The following TSPAN15 variants were observed in gnomAD, a reference collection of about 807,000 sequenced individuals.
The protein encoded by TSPAN15 is tetraspanin-15.
TSPAN15 carries 20 observed loss-of-function variants against 34.5 expected under a neutral mutation model. The ratio of observed to expected loss-of-function variants is 0.58; its 90% CI spans 0.41 to 0.84. TSPAN15 has a LOEUF of 0.84. TSPAN15 is among the 40% of genes least tolerant of loss of function. The pLI, the probability that TSPAN15 is intolerant of heterozygous loss-of-function variation, is 0.00. For missense variants in TSPAN15, 313 were observed against 386.1 expected (o/e 0.81, Z 1.59); for synonymous variants, 155 against 153.9 (o/e 1.01, Z -0.05).
Position 69,451,628 on chromosome 10 carries a change from TGCGCG to T in TSPAN15, c.35_39del (p.Cys12SerfsTer35). The T allele has an allele frequency of 6.5e-7, 1 of 1,536,508 alleles. No homozygotes were observed. The highest frequency in any genetic ancestry group is 8.8e-7 in the Non-Finnish European group (1 of 1,139,692). ...CGGGGACTCGGAGCAGGTGCGCTAC[TGCGCG>T]CGCTTCTCCTACCTCTGGCTCAAGT... On this transcript the variant is annotated frameshift_variant, in exon 1 of 8. Transcript: ENST00000373290. LOFTEE classifies it high-confidence loss of function.
the TSPAN15 span, among the ~76,000 whole-genome samples, chr10:69,544,406 G>A: frequency 6.6e-6 from 1 of 152,142 alleles, no homozygotes; most frequent in African/African-American, 2.4e-5. Flanking sequence ...GGAGTGATGG[G>A]ATGGTGGGGT....
Position 69,493,645 on chromosome 10 carries a change from T to A in TSPAN15, c.358-1949T>A, listed in dbSNP as rs1319262305. ...ACGCTGCCACGCCTGGCTAATTTTT[T>A]GTATTTTTAGTAGAGACGGGGTTTC... On this transcript the variant is annotated intron_variant, in intron 3 of 7. Transcript: ENST00000373290. 1.3e-5 allele frequency among the ~76,000 whole-genome samples: 2 copies of A among 152,154 alleles called. 1 individual carries two copies. The highest frequency in any genetic ancestry group is 2.9e-5 in the Non-Finnish European group (2 of 68,014).
chr10:69,475,909 C>T (rs12250796), intron 1 of TSPAN15, among the ~76,000 whole-genome samples: 1 of 151,684 alleles, frequency 6.6e-6, no homozygotes. Flanking sequence ...TTTAAAGAAA[C>T]CATAAATTAA....
intron 1 of TSPAN15, among the ~76,000 whole-genome samples, chr10:69,465,539 T>G (rs1425071578): frequency 1.3e-5 from 2 of 152,190 alleles, no homozygotes; most frequent in Admixed American, 6.5e-5. Flanking sequence ...GCCCTTCTTG[T>G]GTGCCAGGCT....
intron 1 of TSPAN15, 112 bp downstream of exon 1, chr10:69,451,802 G>C: frequency 2.5e-6 from 2 of 810,064 alleles, no homozygotes; most frequent in Non-Finnish European, 3.4e-6. Context: ...GTGCGCGGGT[G>C]AGCGCGCGCG....
intron 1 of TSPAN15, among the ~76,000 whole-genome samples, chr10:69,476,076 C>T (rs896649795): frequency 2.0e-5 from 3 of 152,008 alleles, no homozygotes; most frequent in South Asian, 2.1e-4. Context: ...TTCCAATCAA[C>T]GTCCAGTTCA....
the TSPAN15 span, among the ~76,000 whole-genome samples, chr10:69,541,251 G>T: frequency 2.0e-5 from 3 of 152,124 alleles, no homozygotes; most frequent in Non-Finnish European, 2.9e-5. Context: ...GTAAGTTAGG[G>T]GTGGAGGAGG....
chr10:69,512,215 T>A (rs1842421952), downstream of TSPAN15, among the ~76,000 whole-genome samples: 1 of 152,216 alleles, frequency 6.6e-6, no homozygotes, highest in Admixed American at 6.5e-5. Flanking sequence ...TGGCCTCTTG[T>A]CTCACAAGGA....
chr10:69,489,631 C>T (rs552294156), intron 3 of TSPAN15, among the ~76,000 whole-genome samples: 78 of 152,312 alleles, frequency 5.1e-4, no homozygotes, highest in Middle Eastern at 3.4e-3. Context: ...GCACAGACCA[C>T]GGCCACAGCC....
At chr10:69,459,965 C>T (rs963254447) in intron 1 of TSPAN15, among the ~76,000 whole-genome samples, 6 of 150,990 alleles carry the variant, frequency 4.0e-5, no homozygotes, top group East Asian at 3.9e-4. Context: ...TCCCTGCCCA[C>T]GGAGGGAGGG....
the TSPAN15 span, among the ~76,000 whole-genome samples, chr10:69,518,214 C>A: frequency 1.3e-5 from 2 of 152,136 alleles, no homozygotes. Flanking sequence ...ATGTAAAAAT[C>A]AAATGCAAGA....
At chr10:69,475,842 A>T (rs1365215300) in intron 1 of TSPAN15, among the ~76,000 whole-genome samples, 3 of 152,208 alleles carry the variant, frequency 2.0e-5, no homozygotes, top group Admixed American at 2.0e-4. Flanking sequence ...TCCAGCTCAG[A>T]CACCATGGAA....
chr10:69,482,576 G>A (rs747679457), intron 1 of TSPAN15, among the ~76,000 whole-genome samples: 3 of 152,206 alleles, frequency 2.0e-5, no homozygotes, highest in South Asian at 2.1e-4. Flanking sequence ...TGTTTAATAC[G>A]CGTTGTGGCG....
intron 3 of TSPAN15, among the ~76,000 whole-genome samples, chr10:69,487,645 C>T (rs1024153464): frequency 3.3e-5 from 5 of 152,240 alleles, no homozygotes; most frequent in Admixed American, 6.5e-5. Context: ...GTTCTGGTTT[C>T]TAGTGCATTG....
chr10:69,468,559 G>T (rs1008164859), intron 1 of TSPAN15, among the ~76,000 whole-genome samples: 1 of 151,656 alleles, frequency 6.6e-6, no homozygotes, highest in Non-Finnish European at 1.5e-5. Flanking sequence ...CAGAAAAATG[G>T]AAGGAGGAAT....
chr10:69,532,450 A>C, the TSPAN15 span, among the ~76,000 whole-genome samples: 1 of 152,218 alleles, frequency 6.6e-6, no homozygotes, highest in East Asian at 1.9e-4. Flanking sequence ...TTTTCAACGA[A>C]TTGTGCTAGG....
At chr10:69,479,777 G>A (rs186106724) in intron 1 of TSPAN15, among the ~76,000 whole-genome samples, 259 of 152,280 alleles carry the variant, frequency 1.7e-3, no homozygotes, top group African/African-American at 6.1e-3. Context: ...CCCCATGCCC[G>A]CTGCTCTTGG....
At chr10:69,451,830 C>A in intron 1 of TSPAN15, 140 bp downstream of exon 1, 1 of 589,424 alleles carries the variant, frequency 1.7e-6, no homozygotes, top group Non-Finnish European at 2.6e-6. Flanking sequence ...TGTCTTTCTA[C>A]CTCACATTCG....
chr10:69,544,364 T>C, the TSPAN15 span, among the ~76,000 whole-genome samples: 15 of 152,212 alleles, frequency 9.9e-5, no homozygotes, highest in African/African-American at 3.6e-4. Flanking sequence ...CTCAGGGAGC[T>C]GAAAGCCTTG....
Sources: allele counts gnomAD v4.1 joint callset (sites outside exome capture counted in the v4.1 genomes callset), GRCh38; gene constraint gnomAD v4.1.1; transcripts MANE v1.5; gene names NCBI Gene and HGNC (gene_info 2026-07-23, HGNC 2026-07-21).